Variants in WASHC5 observed in about 807,000 individuals in gnomAD.
The protein encoded by WASHC5 is WASH complex subunit 5, also known as WASH complex subunit strumpellin.
A neutral mutation model predicts 150.4 loss-of-function variants in WASHC5; 101 were observed. That is an observed-to-expected ratio of 0.67 (90% CI 0.57 to 0.79). WASHC5 has a LOEUF of 0.79. Among genes scored for constraint, WASHC5 ranks in the 30% least tolerant of loss-of-function variants. WASHC5 has a pLI of 0.00. For missense variants in WASHC5, 1,195 were observed against 1,396.3 expected (o/e 0.86, Z 2.30); for synonymous variants, 467 against 491.2 (o/e 0.95, Z 0.65).
intron 6 of WASHC5, among the ~76,000 whole-genome samples, chr8:125,078,303 G>C (rs1586383829): frequency 1.3e-5 from 2 of 152,090 alleles, no homozygotes; most frequent in East Asian, 1.9e-4. Flanking sequence ...ACTGCTGCAT[G>C]CTCCAGTGGC....
chr8:125,025,880 T>C (rs953534546), intron 28 of WASHC5, among the ~76,000 whole-genome samples: 19 of 139,574 alleles, frequency 1.4e-4, no homozygotes, highest in Non-Finnish European at 2.5e-4. Context: ...GATCACATAA[T>C]ATTGTGTCCT....
At chr8:125,060,634 AT>A (rs144428858) in intron 12 of WASHC5, among the ~76,000 whole-genome samples, 3,975 of 152,138 alleles carry the variant, frequency 0.026, 177 homozygotes, top group African/African-American at 0.092. Context: ...ACAATAAACT[AT>A]TTTTTTCAGA....
At chr8:125,049,235 C>T (rs758693149) in intron 18 of WASHC5, 50 bp from the exon 19 acceptor site, 6 of 1,583,846 alleles carry the variant, frequency 3.8e-6, no homozygotes, top group Middle Eastern at 1.7e-4. Context: ...AGATTGTCAA[C>T]TATTCGTTCT....
At chr8:125,064,154 T>TTTTA (rs140252217) in intron 10 of WASHC5, among the ~76,000 whole-genome samples, 1 of 151,994 alleles carries the variant, frequency 6.6e-6, no homozygotes, top group Non-Finnish European at 1.5e-5. Flanking sequence ...AATTGTTTAT[T>TTTTA]TTTATTTATT....
At position 125,049,173 on chromosome 8, in the gene WASHC5, T is replaced by C; in HGVS notation, c.2212A>G (p.Met738Val). The change falls in exon 19 of 29, where the codon ATG becomes GTG. Residue 738 changes from methionine to valine, a missense_variant. This residue lies in a region of WASHC5 where 997 missense variants were observed against 1,168.1 expected (regional missense o/e 0.85). Coordinates refer to ENST00000318410, the MANE Select transcript of WASHC5 (RefSeq NM_014846.4). ...FNPRAKPSEL[M>V]PKLKELGATM... ...GCTCCCAACTCTTTCAGCTTGGGCA[T>C]CAATTCACTTGGCTGTGGAAAAGGG... 6.2e-7 allele frequency: 1 copy of C among 1,614,148 alleles called. No homozygotes were observed. The highest frequency in any genetic ancestry group is 8.5e-7 in the Non-Finnish European group (1 of 1,179,996).
rs1419131024 is a variant in WASHC5, at chr8:125,044,047, A to T, written c.2715T>A (p.Val905=). The T allele has an allele frequency of 2.5e-6, 4 of 1,613,922 alleles. No homozygotes were observed. Among genetic ancestry groups the T allele is most frequent in the Non-Finnish European group, 3.4e-6 (4 of 1,179,796 alleles). Residue 905 remains valine, a synonymous_variant, in exon 22 of 29, where the codon GTT becomes GTA. Coordinates refer to ENST00000318410, the MANE Select transcript of WASHC5 (RefSeq NM_014846.4). ...TCATGAGGGTTTTTAAAGTGTCCTGAACAGTTCTGTCTCTCAGGATAATTT... is the reference window on the plus strand; with the variant it reads ...TCATGAGGGTTTTTAAAGTGTCCTGTACAGTTCTGTCTCTCAGGATAATTT... ...FQKIILRDRT[V]QDTLKTLMNA...
chr8:125,038,904 T>C lies in WASHC5; in HGVS notation c.3010A>G (p.Lys1004Glu). Residue 1004 changes from lysine (K) to glutamate (E), a missense_variant, in exon 25 of 29, where the codon AAA becomes GAA. By Grantham distance (56) the Lys-to-Glu change is moderately conservative. Around this residue, in one of 3 missense-constraint regions of WASHC5, gnomAD observed 997 missense variants for 1,168.1 expected, o/e 0.85. Transcript: ENST00000318410. ...TCATATAAAAGTGTGTTATCTTCTTTGGGGTAAGGAAGTGAAGGGTCCTGA... is the reference window on the plus strand; with the variant it reads ...TCATATAAAAGTGTGTTATCTTCTTCGGGGTAAGGAAGTGAAGGGTCCTGA... ...HYQDPSLPYP[K>E]EDNTLLYEIT... 1.2e-6 allele frequency: 2 copies of C among 1,614,070 alleles called. No individual in the cohort carries two copies. Among genetic ancestry groups the C allele is most frequent in the African/African-American group, 1.3e-5 (1 of 75,036 alleles).
chr8:125,064,763 C>A (rs1180979485), intron 10 of WASHC5, among the ~76,000 whole-genome samples: 4 of 152,074 alleles, frequency 2.6e-5, no homozygotes, highest in Non-Finnish European at 5.9e-5. Flanking sequence ...CCTCACTTGC[C>A]AGCATCATAA....
Position 125,047,314 on chromosome 8 carries a change from G to A in WASHC5, c.2397C>T (p.Ser799=). 6.2e-7 allele frequency: 1 copy of A among 1,613,812 alleles called. No homozygotes were observed. The highest frequency in any genetic ancestry group is 8.5e-7 in the Non-Finnish European group (1 of 1,179,736). Residue 799 remains serine (S), a synonymous_variant, in exon 20 of 29, where the codon AGC becomes AGT. Transcript: ENST00000318410. ...FLRTKIQDWQ[S]MYQSTHIPIP... ...TTGGAATATGAGTGGACTGGTACAT[G>A]CTTTGCCAATCTTGAATCTAGAAAA... is the stretch of plus-strand genomic sequence containing the variant.
At position 125,055,517 on chromosome 8, in the gene WASHC5, CAT is replaced by C. The variant is rs987827198; in HGVS notation, c.2097+72_2097+73del. 82 of 865,184 alleles carry C rather than the reference CAT, an allele frequency of 9.5e-5. 1 individual carries two copies. Among genetic ancestry groups the C allele is most frequent in the African/African-American group, 6.3e-4 (38 of 60,754 alleles). 53.6% of individuals were successfully genotyped at this position (865,184 alleles called of 1,614,324 possible). A position where few individuals can be genotyped will look rare whatever the true frequency, so the allele number is the denominator to read the frequency against. ...AGATGATGTCACTCCCTTTTGCACA[CAT>C]GATAATTACCACAAAAACCCAAACA... On this transcript the variant is annotated intron_variant, in intron 17 of 28. Transcript: ENST00000318410.
intron 9 of WASHC5, among the ~76,000 whole-genome samples, chr8:125,068,949 G>A (rs1042340897): frequency 6.6e-6 from 1 of 152,198 alleles, no homozygotes; most frequent in African/African-American, 2.4e-5. Context: ...GGTTTATAAG[G>A]CCAATTACTT....
chr8:125,024,892 A>G (rs1815331982), intron 28 of WASHC5, among the ~76,000 whole-genome samples: 1 of 151,914 alleles, frequency 6.6e-6, no homozygotes, highest in Admixed American at 6.6e-5. Context: ...GATGCAGTAC[A>G]GCTCTCCCGC....
chr8:125,089,502 G>A (rs978724326), intron 1 of WASHC5, among the ~76,000 whole-genome samples: 1 of 152,212 alleles, frequency 6.6e-6, no homozygotes. Context: ...GCAGGCCTCA[G>A]GCTACACAAG....
chr8:125,075,078 G>C lies in WASHC5; in HGVS notation c.898C>G (p.Leu300Val). The C allele has an allele frequency of 2.5e-6, 4 of 1,610,330 alleles. No homozygotes were observed. The highest frequency in any genetic ancestry group is 3.4e-6 in the Non-Finnish European group (4 of 1,176,810). The change falls in exon 8 of 29, where the codon CTA becomes GTA. Residue 300 changes from leucine (L) to valine (V), a missense_variant. Leu to Val is a conservative substitution (Grantham distance 32). This residue lies in a region of WASHC5 where 997 missense variants were observed against 1,168.1 expected (regional missense o/e 0.85). Coordinates refer to ENST00000318410, the MANE Select transcript of WASHC5 (RefSeq NM_014846.4). Reference protein sequence around the residue: ...ISIYMGITVNLVDAWEPYKAA... With the variant: ...ISIYMGITVNVVDAWEPYKAA... ...TTGTAAGGTTCCCAAGCATCTACTA[G>C]ATTAACTGTGATCCCCATGTAAATA...
At chr8:125,091,116 G>T (rs1263331227) in intron 1 of WASHC5, among the ~76,000 whole-genome samples, 1 of 150,404 alleles carries the variant, frequency 6.6e-6, no homozygotes, top group Non-Finnish European at 1.5e-5. Flanking sequence ...CCAGGAATCA[G>T]GGCCCTGGGA....
intron 26 of WASHC5, 127 bp downstream of exon 26, chr8:125,037,110 C>G: frequency 1.5e-6 from 1 of 684,804 alleles, no homozygotes; most frequent in Non-Finnish European, 2.6e-6. Context: ...ACTCGAATTT[C>G]ATAAACATAA....
At chr8:125,080,759 C>A (rs1485545324) in intron 5 of WASHC5, among the ~76,000 whole-genome samples, 2 of 152,160 alleles carry the variant, frequency 1.3e-5, no homozygotes, top group East Asian at 3.8e-4. Flanking sequence ...GTTTTCAAGA[C>A]CTTACTTCCT....
Position 125,074,437 on chromosome 8 carries a change from G to A in WASHC5, c.978+561C>T, listed in dbSNP as rs1326449479. On this transcript the variant is annotated intron_variant, in intron 8 of 28. Coordinates refer to ENST00000318410, the MANE Select transcript of WASHC5 (RefSeq NM_014846.4). ...GAACATAACCATTTAGAAATATCAA[G>A]TATGCTCCCCAAGATTTTATCTTTA... 2.0e-5 allele frequency among the ~76,000 whole-genome samples: 3 copies of A among 152,182 alleles called. No individual in the cohort carries two copies. The East Asian group carries it at 5.8e-4, about 29-fold the overall frequency.
intron 26 of WASHC5, 145 bp from the exon 27 acceptor site, chr8:125,032,539 A>G (rs1351202473): frequency 5.4e-6 from 5 of 922,552 alleles, no homozygotes; most frequent in Non-Finnish European, 8.6e-6. Context: ...ATTCTGGGCC[A>G]TATTTTGAAT....
Sources: allele counts gnomAD v4.1 joint callset (sites outside exome capture counted in the v4.1 genomes callset), GRCh38; gene constraint gnomAD v4.1.1; regional missense constraint gnomAD v4.1.1; transcripts MANE v1.5; gene names NCBI Gene and HGNC (gene_info 2026-07-23, HGNC 2026-07-21).